Variants in MORF4L1 observed in about 807,000 individuals in gnomAD.
MORF4L1 encodes mortality factor 4 like 1.
In MORF4L1, 4 loss-of-function variants were observed where a neutral mutation model predicts 52.9. The ratio of observed to expected loss-of-function variants is 0.08; its 90% CI spans 0.04 to 0.17. The LOEUF is 0.17. Among genes scored for constraint, MORF4L1 ranks in the 10% least tolerant of loss-of-function variants. MORF4L1 has a pLI of 1.00. For missense variants in MORF4L1, 214 were observed against 390.4 expected (o/e 0.55, Z 3.81); for synonymous variants, 123 against 134.8 (o/e 0.91, Z 0.61).
intron 1 of MORF4L1, chr15:78,873,364 T>C: frequency 1.7e-6 from 1 of 577,090 alleles, no homozygotes. Flanking sequence ...CAGCCTATTG[T>C]AGGGAGGCGA....
chr15:78,883,196 CAG>C (rs2056633719), intron 3 of MORF4L1, among the ~76,000 whole-genome samples: 2 of 123,066 alleles, frequency 1.6e-5, no homozygotes, highest in African/African-American at 6.2e-5. Context: ...GCCTAGGCGA[CAG>C]AGTGAGACTC....
At chr15:78,891,108 T>C (rs2056793837) in intron 6 of MORF4L1, 94 bp downstream of exon 6, 1 of 1,326,166 alleles carries the variant, frequency 7.5e-7, no homozygotes, top group Non-Finnish European at 1.0e-6. Flanking sequence ...AGTAAGCTTA[T>C]GTTTATTGAT....
intron 6 of MORF4L1, 54 bp downstream of exon 6, chr15:78,891,068 G>A (rs546901676): frequency 4.1e-6 from 6 of 1,446,994 alleles, no homozygotes; most frequent in East Asian, 5.0e-5. Flanking sequence ...TGACATTGAC[G>A]TTTTTATTTT....
Position 78,872,948 on chromosome 15 carries a change from G to C in MORF4L1, c.-70G>C. The C allele has an allele frequency of 6.5e-7, 1 of 1,529,110 alleles. No homozygotes were observed. The highest frequency in any genetic ancestry group is 2.2e-5 in the Admixed American group (1 of 44,542). 94.7% of individuals were successfully genotyped at this position (1,529,110 alleles called of 1,614,324 possible). A position where few individuals can be genotyped will look rare whatever the true frequency, so the allele number is the denominator to read the frequency against. On this transcript the variant is annotated 5_prime_UTR_variant, in exon 1 of 12. Transcript: ENST00000426013. ...TGACGGCGCGTCTGACGCGGAGTTG[G>C]GTGGGGTAGAGAGTAGGGGGCGGTA...
At chr15:78,874,849 T>C (rs570183690) in intron 1 of MORF4L1, among the ~76,000 whole-genome samples, 1 of 151,696 alleles carries the variant, frequency 6.6e-6, no homozygotes, top group Admixed American at 6.6e-5. Context: ...AGTGCATTAA[T>C]TGAGACGGTG....
chr15:78,888,752 T>C (rs907266375), intron 5 of MORF4L1, among the ~76,000 whole-genome samples: 13 of 152,140 alleles, frequency 8.5e-5, no homozygotes, highest in Admixed American at 7.9e-4. Context: ...TGAAGGTATT[T>C]AGTATTTAAT....
At chr15:78,891,457 G>A in intron 6 of MORF4L1, 27 bp from the exon 7 acceptor site, 1 of 1,575,172 alleles carries the variant, frequency 6.3e-7, no homozygotes, top group South Asian at 1.1e-5. Flanking sequence ...TTAGCTAAAT[G>A]AGACCCCTCC....
intron 11 of MORF4L1, among the ~76,000 whole-genome samples, chr15:78,896,053 A>T (rs1015204060): frequency 6.6e-6 from 1 of 151,950 alleles, no homozygotes; most frequent in African/African-American, 2.4e-5. Flanking sequence ...ATCACAGCTC[A>T]CTACAACCTC....
chr15:78,887,523 T>C, intron 5 of MORF4L1, 174 bp downstream of exon 5: 1 of 495,626 alleles, frequency 2.0e-6, no homozygotes. Context: ...ATTCCTTAAT[T>C]TTCCTCAGCA....
In MORF4L1 at chr15:78,894,224, T is replaced by C; in HGVS notation, c.796T>C (p.Leu266=). Reference sequence around the variant, plus strand: ...GTATGGAGCGCCACATCTCCTGAGATTATTTGGTAATATGTCATGTAGAAA... The same window carrying C: ...GTATGGAGCGCCACATCTCCTGAGACTATTTGGTAATATGTCATGTAGAAA... ...QVYGAPHLLR[L]FVRIGAMLAY... The change falls in exon 10 of 12, where the codon TTA becomes CTA. Residue 266 remains leucine, a synonymous_variant. Coordinates refer to ENST00000426013, the MANE Select transcript of MORF4L1 (RefSeq NM_006791.4). The C allele has an allele frequency of 6.2e-7, 1 of 1,607,838 alleles. No homozygotes were observed. The highest frequency in any genetic ancestry group is 8.5e-7 in the Non-Finnish European group (1 of 1,177,744).
At chr15:78,875,511 C>CT (rs2141585272) in intron 1 of MORF4L1, among the ~76,000 whole-genome samples, 2 of 152,192 alleles carry the variant, frequency 1.3e-5, no homozygotes, top group Non-Finnish European at 2.9e-5. Flanking sequence ...GCTCACGCCT[C>CT]TAATCCCAGC....
At chr15:78,886,089 A>G (rs1382739474) in intron 3 of MORF4L1, 52 bp from the exon 4 acceptor site, 1 of 1,367,956 alleles carries the variant, frequency 7.3e-7, no homozygotes, top group Non-Finnish European at 1.0e-6. Context: ...TCAGAAAATT[A>G]GTTGGAGAAC....
In MORF4L1 at chr15:78,878,205, C is replaced by T. The variant is rs1281202009; in HGVS notation, c.41-8C>T. The T allele has an allele frequency of 1.2e-6, 2 of 1,610,380 alleles. No individual in the cohort carries two copies. Among genetic ancestry groups the T allele is most frequent in the Admixed American group, 1.7e-5 (1 of 59,370 alleles). On this transcript the variant is annotated splice_region_variant and splice_polypyrimidine_tract_variant and intron_variant, in intron 1 of 11. Coordinates refer to ENST00000426013, the MANE Select transcript of MORF4L1 (RefSeq NM_006791.4). ...AATTACAATTCAGTACTTTTTCTCCCTTTACAGGTGAGCGAGTGCTGTGCT... is the reference window on the plus strand; with the variant it reads ...AATTACAATTCAGTACTTTTTCTCCTTTTACAGGTGAGCGAGTGCTGTGCT...
At chr15:78,884,838 T>C in intron 3 of MORF4L1, 1 of 523,240 alleles carries the variant, frequency 1.9e-6, no homozygotes, top group Non-Finnish European at 3.2e-6. Context: ...GATTTCTAAA[T>C]TTTCAAACCT....
At chr15:78,881,096 C>T (rs557029924) in intron 3 of MORF4L1, among the ~76,000 whole-genome samples, 8 of 149,998 alleles carry the variant, frequency 5.3e-5, no homozygotes, top group Non-Finnish European at 1.0e-4. Context: ...TAGTGTTGAC[C>T]GAAAATGACT....
intron 1 of MORF4L1, among the ~76,000 whole-genome samples, chr15:78,876,100 G>C (rs574720714): frequency 6.6e-6 from 1 of 151,964 alleles, no homozygotes; most frequent in South Asian, 2.1e-4. Context: ...ACCACGCCCA[G>C]CTAATTTTTG....
intron 1 of MORF4L1, chr15:78,873,308 T>G: frequency 8.2e-7 from 1 of 1,213,438 alleles, no homozygotes; most frequent in Non-Finnish European, 1.1e-6. Flanking sequence ...TGGCACACCC[T>G]CGTCAAGTGT....
rs915325381 is a variant in MORF4L1, at chr15:78,872,922, C to T, written c.-96C>T. 3 of 1,504,828 alleles carry T rather than the reference C, an allele frequency of 2.0e-6. No homozygotes were observed. The highest frequency in any genetic ancestry group is 1.8e-6 in the Non-Finnish European group (2 of 1,128,108). The allele number at this position is 1,504,828 out of a possible 1,614,324, so 93.2% of individuals were successfully genotyped here. On this transcript the variant is annotated 5_prime_UTR_variant, in exon 1 of 12. Transcript: ENST00000426013. ...GCCCAGGATGTAGAGCTGGCAGTGCCTGACGGCGCGTCTGACGCGGAGTTG... is the reference window on the plus strand; with the variant it reads ...GCCCAGGATGTAGAGCTGGCAGTGCTTGACGGCGCGTCTGACGCGGAGTTG...
intron 2 of MORF4L1, among the ~76,000 whole-genome samples, chr15:78,879,284 C>T (rs980450353): frequency 5.3e-5 from 8 of 151,846 alleles, no homozygotes; most frequent in African/African-American, 1.5e-4. Flanking sequence ...TGCAGTGGTG[C>T]GATCTTGGCT....
Sources: gnomAD v4.1 joint callset for allele counts (sites outside exome capture counted in the v4.1 genomes callset) on GRCh38, gnomAD v4.1.1 for gene constraint, MANE v1.5 for transcripts, NCBI Gene and HGNC (gene_info 2026-07-23, HGNC 2026-07-21) for gene names.